The following WRN variants were observed in gnomAD, a reference collection of about 807,000 sequenced individuals.
WRN encodes WRN RecQ like helicase, also known as bifunctional 3'-5' exonuclease/ATP-dependent helicase WRN.
Under a neutral mutation model 180.7 loss-of-function variants are expected in WRN, and 149 were observed. The ratio of observed to expected loss-of-function variants is 0.82; its 90% confidence interval spans 0.72 to 0.94. The LOEUF (loss-of-function observed/expected upper bound fraction) is 0.94, where lower values mean the gene tolerates loss of function less well. Among genes scored for constraint, WRN ranks in the 40% least tolerant of loss-of-function variants. The pLI is 0.00. For synonymous variants in WRN, 548 were observed against 568.9 expected (o/e 0.96, Z 0.52); for missense variants, 1,661 against 1,700.1 (o/e 0.98, Z 0.40).
intron 27 of WRN, among the ~76,000 whole-genome samples, chr8:31,143,052 C>CACACACACACACACACACACACAT (rs1272452345): frequency 2.0e-4 from 13 of 65,444 alleles, no homozygotes; most frequent in Non-Finnish European, 3.5e-4. Flanking sequence ...CACACACACA[C>CACACACACACACACACACACACAT]ACATTCTCTC....
chr8:31,162,098 A>G (rs1251676878), intron 33 of WRN, among the ~76,000 whole-genome samples: 1 of 152,194 alleles, frequency 6.6e-6, no homozygotes, highest in Non-Finnish European at 1.5e-5. Context: ...TAAAAAATTT[A>G]TCTTCTTTTG....
chr8:31,154,596 C>T (rs1210847721), intron 31 of WRN, 28 bp from the exon 32 acceptor site: 2 of 1,596,434 alleles, frequency 1.3e-6, no homozygotes. Flanking sequence ...TATTACTGAT[C>T]ATTTGTGCTA....
intron 1 of WRN, among the ~76,000 whole-genome samples, chr8:31,041,116 A>G (rs1019060652): frequency 2.0e-5 from 3 of 152,190 alleles, no homozygotes; most frequent in Non-Finnish European, 4.4e-5. Flanking sequence ...GTCCATCTCT[A>G]TCTGTATTTC....
intron 8 of WRN, among the ~76,000 whole-genome samples, chr8:31,077,004 G>A (rs1282608396): frequency 6.6e-6 from 1 of 152,124 alleles, no homozygotes; most frequent in Admixed American, 6.5e-5. Context: ...TTAGAATGTG[G>A]TAATGTAATT....
At chr8:31,057,525 C>T (rs536336500) in intron 1 of WRN, among the ~76,000 whole-genome samples, 50 of 152,140 alleles carry the variant, frequency 3.3e-4, no homozygotes, top group African/African-American at 1.2e-3. Flanking sequence ...GAGCTGAGAT[C>T]GTGCCACTGC....
chr8:31,087,657 C>T, intron 11 of WRN, 119 bp from the exon 12 acceptor site: 2 of 964,152 alleles, frequency 2.1e-6, no homozygotes, highest in East Asian at 2.5e-5. Context: ...GTATGGCTTG[C>T]ACATCTGCCA....
chr8:31,120,335 A>G lies in WRN; in HGVS notation c.2541A>G (p.Ser847=). The change falls in exon 21 of 35, where the codon TCA becomes TCG. Residue 847 remains serine (S), a synonymous_variant. Transcript: ENST00000298139. ...ACGGTGCTCCTAAGGACATGGAATCATATTATCAGGAGATTGGTAGAGCTG... is the reference window on the plus strand; with the variant it reads ...ACGGTGCTCCTAAGGACATGGAATCGTATTATCAGGAGATTGGTAGAGCTG... ...IHYGAPKDME[S]YYQEIGRAGR... 6.2e-7 allele frequency: 1 copy of G among 1,613,066 alleles called. No homozygotes were observed. The highest frequency in any genetic ancestry group is 8.5e-7 in the Non-Finnish European group (1 of 1,179,192).
chr8:31,133,038 A>G (rs1802247311), intron 24 of WRN, among the ~76,000 whole-genome samples: 1 of 152,218 alleles, frequency 6.6e-6, no homozygotes, highest in Non-Finnish European at 1.5e-5. Context: ...TAATGAATAA[A>G]TAATCAATTA....
At chr8:31,115,442 A>G (rs185783261) in intron 19 of WRN, among the ~76,000 whole-genome samples, 308 of 152,278 alleles carry the variant, frequency 2.0e-3, no homozygotes, top group South Asian at 7.5e-3. Context: ...TGTTTGCTTA[A>G]TATTTCTTAG....
At chr8:31,079,424 A>G (rs1022615739) in intron 8 of WRN, among the ~76,000 whole-genome samples, 3 of 152,204 alleles carry the variant, frequency 2.0e-5, no homozygotes, top group African/African-American at 7.2e-5. Context: ...AGAGTAAAAC[A>G]TGTCCCTGCC....
intron 21 of WRN, 117 bp downstream of exon 21, chr8:31,120,541 T>TG (rs1801686510): frequency 2.9e-6 from 2 of 689,470 alleles, no homozygotes; most frequent in Non-Finnish European, 4.4e-6. Flanking sequence ...GCATTTAAAG[T>TG]AAAAAAAAAA....
intron 28 of WRN, 126 bp from the exon 29 acceptor site, chr8:31,146,927 T>G (rs17652261): frequency 1.3e-6 from 1 of 740,838 alleles, no homozygotes; most frequent in African/African-American, 1.8e-5. Context: ...CAAATTACCT[T>G]ACTGGTATCA....
intron 1 of WRN, among the ~76,000 whole-genome samples, chr8:31,036,226 T>C (rs947638061): frequency 6.6e-6 from 1 of 152,248 alleles, no homozygotes; most frequent in African/African-American, 2.4e-5. Context: ...TACTATTCCA[T>C]TGTATATGTA....
In WRN at chr8:31,142,630, A is replaced by G. The variant is rs1288018118; in HGVS notation, c.3238A>G (p.Lys1080Glu). The G allele has an allele frequency of 6.3e-7, 1 of 1,596,854 alleles. No homozygotes were observed. Among genetic ancestry groups the G allele is most frequent in the Admixed American group, 1.7e-5 (1 of 58,538 alleles). The change falls in exon 27 of 35, where the codon AAA (lysine) becomes GAA (glutamate). Residue 1080 changes from lysine to glutamate, a missense_variant. Lys to Glu is a moderately conservative substitution (Grantham distance 56). Transcript: ENST00000298139. ...TTTAATTTTATTATTTTTTAGTTCG[A>G]AAACTGTATCTTCGGGCACCAAAGA... is the stretch of plus-strand genomic sequence containing the variant. ...CPKKLLLPSS[K>E]TVSSGTKEHC...
chr8:31,090,155 C>T (rs527786063), intron 13 of WRN, among the ~76,000 whole-genome samples: 1 of 150,672 alleles, frequency 6.6e-6, no homozygotes, highest in South Asian at 2.1e-4. Flanking sequence ...AGTCCTTGTC[C>T]CTGAGCATTT....
chr8:31,106,431 A>C (rs1210196064), intron 18 of WRN, among the ~76,000 whole-genome samples: 3 of 152,012 alleles, frequency 2.0e-5, no homozygotes, highest in African/African-American at 7.3e-5. Flanking sequence ...ATCCTCATGT[A>C]ATCTGGCCTT....
chr8:31,167,726 C>T (rs1803954298), intron 34 of WRN, among the ~76,000 whole-genome samples: 1 of 151,970 alleles, frequency 6.6e-6, no homozygotes, highest in Non-Finnish European at 1.5e-5. Context: ...AGAAAGATTA[C>T]AAATTTAGTA....
At chr8:31,079,683 C>A (rs2130111910) in intron 8 of WRN, among the ~76,000 whole-genome samples, 1 of 152,254 alleles carries the variant, frequency 6.6e-6, no homozygotes, top group South Asian at 2.1e-4. Flanking sequence ...TCCATAGTTT[C>A]TCACTTGTTA....
chr8:31,054,945 C>T (rs1812210375), intron 1 of WRN, among the ~76,000 whole-genome samples: 1 of 152,140 alleles, frequency 6.6e-6, no homozygotes, highest in Non-Finnish European at 1.5e-5. Context: ...TCGTTCGGCT[C>T]CCACTTATAA....
Sources: gnomAD v4.1 joint callset for allele counts (sites outside exome capture counted in the v4.1 genomes callset) on GRCh38, gnomAD v4.1.1 for gene constraint, MANE v1.5 for transcripts, NCBI Gene and HGNC (gene_info 2026-07-23, HGNC 2026-07-21) for gene names.